VGLL4: variants seen among roughly 807,000 people sequenced by gnomAD.
VGLL4 encodes the protein transcription cofactor vestigial-like protein 4.
In VGLL4, 7 loss-of-function variants were observed where a neutral mutation model predicts 21.0. The ratio of observed to expected loss-of-function variants is 0.33; its 90% CI spans 0.19 to 0.63. The LOEUF is 0.63. VGLL4 is among the 20% of genes least tolerant of loss of function. The pLI, the probability that VGLL4 is intolerant of heterozygous loss-of-function variation, is 0.78. For missense variants in VGLL4, 394 were observed against 425.7 expected (o/e 0.93, Z 0.66); for synonymous variants, 222 against 173.2 (o/e 1.28, Z -2.21).
chr3:11,647,301 T>C (rs1001774278), upstream of VGLL4, among the ~76,000 whole-genome samples: 7 of 152,062 alleles, frequency 4.6e-5, no homozygotes, highest in African/African-American at 1.4e-4. Flanking sequence ...ACGTCTCTTC[T>C]TTCCCAACCT....
intron 1 of VGLL4, among the ~76,000 whole-genome samples, chr3:11,705,749 C>T (rs1424998360): frequency 3.3e-5 from 5 of 152,164 alleles, no homozygotes. Flanking sequence ...AGTGAAACCC[C>T]GTCTCTACTA....
At chr3:11,665,684 C>G (rs1466926657) in intron 2 of VGLL4, among the ~76,000 whole-genome samples, 1 of 152,252 alleles carries the variant, frequency 6.6e-6, no homozygotes, top group African/African-American at 2.4e-5. Context: ...GCTGTGACAG[C>G]ACTCATTCAT....
intron 2 of VGLL4, among the ~76,000 whole-genome samples, chr3:11,600,660 G>T (rs1251645871): frequency 6.6e-6 from 1 of 152,174 alleles, no homozygotes; most frequent in Admixed American, 6.5e-5. Context: ...AGTCCAAGCT[G>T]ACTGGAACGA....
intron 2 of VGLL4, among the ~76,000 whole-genome samples, chr3:11,566,809 C>CG (rs2073554894): frequency 6.6e-6 from 1 of 152,204 alleles, no homozygotes; most frequent in Admixed American, 6.5e-5. Flanking sequence ...CGCCCCTCCT[C>CG]ACACACGGCA....
Position 11,664,703 on chromosome 3 carries a change from G to A in VGLL4, c.64+38268C>T, listed in dbSNP as rs149326739. ...CACCATTTACATTCTTGAATATTCC[G>A]GAAGTCCTACACTTAGGAAGAGGTA... On this transcript the variant is annotated intron_variant, in intron 2 of 5. Coordinates refer to the VGLL4 transcript ENST00000273038. Among the ~76,000 whole-genome samples, 25 of 152,162 alleles carry A rather than the reference G, an allele frequency of 1.6e-4. No individual in the cohort carries two copies. In the East Asian group the frequency reaches 4.2e-3, roughly 26 times the overall value.
At position 11,643,830 on chromosome 3, in the gene VGLL4, A is replaced by T; in HGVS notation, c.-312T>A. The T allele has an allele frequency of 4.6e-6, 5 of 1,077,040 alleles. No homozygotes were observed. The South Asian group carries it at 1.6e-4, about 34-fold the overall frequency. The allele number at this position is 1,077,040 out of a possible 1,614,324, so 66.7% of individuals were successfully genotyped here. A position where few individuals can be genotyped will look rare whatever the true frequency, so the allele number is the denominator to read the frequency against. Reference sequence around the variant, plus strand: ...GGAAATGGAAAAGAGTGAAAAAGAGAAACGCGCAGCCCGTTTCCTAGGACA... The same window carrying T: ...GGAAATGGAAAAGAGTGAAAAAGAGTAACGCGCAGCCCGTTTCCTAGGACA... On this transcript the variant is annotated 5_prime_UTR_variant, in exon 1 of 5. Transcript: ENST00000430365.
intron 2 of VGLL4, among the ~76,000 whole-genome samples, chr3:11,659,035 AAT>A (rs2075996318): frequency 6.6e-6 from 1 of 152,138 alleles, no homozygotes; most frequent in African/African-American, 2.4e-5. Flanking sequence ...AGTTAAACCC[AAT>A]ATATATACAA....
intron 2 of VGLL4, among the ~76,000 whole-genome samples, chr3:11,683,562 G>A (rs1331796405): frequency 6.6e-6 from 1 of 152,172 alleles, no homozygotes; most frequent in Non-Finnish European, 1.5e-5. Flanking sequence ...AGTGGATAAA[G>A]AAAATGCGAT....
intron 2 of VGLL4, among the ~76,000 whole-genome samples, chr3:11,592,950 G>C (rs2074537746): frequency 1.3e-5 from 2 of 152,212 alleles, no homozygotes; most frequent in African/African-American, 4.8e-5. Context: ...TCTGGATGCT[G>C]AGAATCAGGA....
intron 2 of VGLL4, among the ~76,000 whole-genome samples, chr3:11,693,874 T>C (rs2076567791): frequency 6.6e-6 from 1 of 151,984 alleles, no homozygotes; most frequent in South Asian, 2.1e-4. Flanking sequence ...TTAGTGAAGG[T>C]AGTATAGAGG....
intron 2 of VGLL4, among the ~76,000 whole-genome samples, chr3:11,674,517 G>T (rs1176617612): frequency 6.6e-6 from 1 of 152,272 alleles, no homozygotes; most frequent in East Asian, 1.9e-4. Flanking sequence ...TAAAGATGGG[G>T]AAAGAGTCAG....
At chr3:11,708,262 T>C (rs188993483) in intron 1 of VGLL4, among the ~76,000 whole-genome samples, 111 of 152,340 alleles carry the variant, frequency 7.3e-4, no homozygotes, top group Non-Finnish European at 2.8e-4. Flanking sequence ...ACAGTAAATG[T>C]ACTGAAAATG....
intron 1 of VGLL4, among the ~76,000 whole-genome samples, chr3:11,637,977 G>A (rs1424359482): frequency 1.3e-5 from 2 of 152,168 alleles, no homozygotes; most frequent in Admixed American, 6.5e-5. Context: ...CTGAATAAAC[G>A]TCAGATACTT....
intron 1 of VGLL4, among the ~76,000 whole-genome samples, chr3:11,631,075 C>T (rs1266374597): frequency 6.6e-6 from 1 of 152,136 alleles, no homozygotes; most frequent in Admixed American, 6.5e-5. Context: ...ACTCCAGGAG[C>T]ATGCATGAAT....
At chr3:11,632,491 C>A (rs1293882057) in intron 1 of VGLL4, among the ~76,000 whole-genome samples, 1 of 152,126 alleles carries the variant, frequency 6.6e-6, no homozygotes, top group Non-Finnish European at 1.5e-5. Flanking sequence ...CAGTCTGACT[C>A]TGGCCATAGT....
At chr3:11,577,775 T>C (rs1279683704) in intron 2 of VGLL4, among the ~76,000 whole-genome samples, 1 of 152,246 alleles carries the variant, frequency 6.6e-6, no homozygotes, top group Non-Finnish European at 1.5e-5. Flanking sequence ...TTCTCCCTCC[T>C]AATGAATGAA....
At chr3:11,621,180 T>A (rs759823813) in intron 1 of VGLL4, among the ~76,000 whole-genome samples, 2 of 152,246 alleles carry the variant, frequency 1.3e-5, no homozygotes, top group Non-Finnish European at 2.9e-5. Context: ...TTTATTGACA[T>A]ATAATTCACA....
chr3:11,659,530 C>A (rs954701197), intron 2 of VGLL4, among the ~76,000 whole-genome samples: 5 of 151,674 alleles, frequency 3.3e-5, no homozygotes, highest in African/African-American at 7.3e-5. Flanking sequence ...CGGGGTTTCT[C>A]CATGTTGGTC....
At chr3:11,714,907 G>A (rs947968434) in intron 1 of VGLL4, among the ~76,000 whole-genome samples, 7 of 152,112 alleles carry the variant, frequency 4.6e-5, no homozygotes, top group East Asian at 1.9e-4. Context: ...AGGCTGAGGC[G>A]GGCGGATCAC....
Sources: gnomAD v4.1 joint callset for allele counts (sites outside exome capture counted in the v4.1 genomes callset) on GRCh38, gnomAD v4.1.1 for gene constraint, MANE v1.5 for transcripts, NCBI Gene and HGNC (gene_info 2026-07-23, HGNC 2026-07-21) for gene names.